The following TMCO6 variants were observed in gnomAD, a reference collection of about 807,000 sequenced individuals.
TMCO6 encodes transmembrane and coiled-coil domains 6.
A neutral mutation model predicts 61.8 loss-of-function variants in TMCO6; 47 were observed. That is an observed-to-expected ratio of 0.76 (90% CI 0.60 to 0.97). TMCO6 has a LOEUF of 0.97. Among genes scored for constraint, TMCO6 ranks in the 50% least tolerant of loss-of-function variants. The pLI, the probability that TMCO6 is intolerant of heterozygous loss-of-function variation, is 0.00. For synonymous variants in TMCO6, 261 were observed against 254.2 expected, an observed-to-expected ratio of 1.03 and a Z score of -0.25; for missense variants, 557 against 601.6, an observed-to-expected ratio of 0.93 and a Z score of 0.78.
the TMCO6 span, among the ~76,000 whole-genome samples, chr5:140,622,717 T>G: frequency 1.5e-5 from 2 of 133,204 alleles, no homozygotes; most frequent in Non-Finnish European, 3.1e-5. Flanking sequence ...TGCCAGGGCT[T>G]TAGCTACAAA....
At chr5:140,604,702 G>A in the TMCO6 span, among the ~76,000 whole-genome samples, 2 of 150,006 alleles carry the variant, frequency 1.3e-5, no homozygotes, top group African/African-American at 4.9e-5. Flanking sequence ...CATAGCTTTA[G>A]TTCTGTTATT....
At chr5:140,644,425 T>C in intron 10 of TMCO6, 148 bp from the exon 11 acceptor site, 2 of 1,000,940 alleles carry the variant, frequency 2.0e-6, no homozygotes, top group Non-Finnish European at 3.0e-6. Context: ...TAATCTTGCA[T>C]CATAGGGTAG....
At chr5:140,598,158 A>T in the TMCO6 span, among the ~76,000 whole-genome samples, 1 of 151,704 alleles carries the variant, frequency 6.6e-6, no homozygotes, top group African/African-American at 2.4e-5. Flanking sequence ...TCATAACTTT[A>T]TCCCCTCCCC....
At chr5:140,632,339 A>G in the TMCO6 span, 1 of 1,614,032 alleles carries the variant, frequency 6.2e-7, no homozygotes, top group Non-Finnish European at 8.5e-7. The surrounding 1 kb of genome is among the most constrained non-coding windows in gnomAD (Gnocchi z 6.2). Flanking sequence ...GGGGACAGAG[A>G]GCCGCCATCA....
At chr5:140,647,534 C>T (rs1482102411), downstream of TMCO6, 2 of 1,612,376 alleles carry the variant, frequency 1.2e-6, no homozygotes, top group Non-Finnish European at 1.7e-6. Context: ...GCGAATCTCA[C>T]GCAGGCCCAG....
upstream of TMCO6, among the ~76,000 whole-genome samples, chr5:140,634,877 G>A (rs1421144476): frequency 1.3e-5 from 2 of 152,094 alleles, no homozygotes; most frequent in African/African-American, 4.8e-5. Context: ...CCGCCTCCCA[G>A]GTTCCAGCAA....
At chr5:140,598,298 C>T in the TMCO6 span, among the ~76,000 whole-genome samples, 102 of 151,628 alleles carry the variant, frequency 6.7e-4, no homozygotes, top group African/African-American at 2.2e-3. Context: ...TGAACTCTTG[C>T]GCTAAAGTGA....
the TMCO6 span, among the ~76,000 whole-genome samples, chr5:140,617,779 A>G: frequency 6.6e-6 from 1 of 152,142 alleles, no homozygotes; most frequent in East Asian, 1.9e-4. Context: ...AGGAAATGCA[A>G]ATGGAAACCA....
upstream of TMCO6, chr5:140,639,450 C>T: frequency 1.4e-6 from 2 of 1,414,900 alleles, no homozygotes; most frequent in South Asian, 1.2e-5. Flanking sequence ...GCTGAGGCTG[C>T]GCAGTCGGTG....
chr5:140,638,075 T>C (rs1422053539), upstream of TMCO6, among the ~76,000 whole-genome samples: 8 of 152,176 alleles, frequency 5.3e-5, no homozygotes, highest in Admixed American at 2.0e-4. Context: ...AACAAAGGAT[T>C]ATTAGCAAAG....
chr5:140,617,005 T>C, the TMCO6 span, among the ~76,000 whole-genome samples: 1 of 151,418 alleles, frequency 6.6e-6, no homozygotes, highest in African/African-American at 2.4e-5. Flanking sequence ...ATCATGCCAC[T>C]GCACTCCAGT....
chr5:140,610,608 T>C, the TMCO6 span, among the ~76,000 whole-genome samples: 5 of 152,216 alleles, frequency 3.3e-5, no homozygotes, highest in African/African-American at 1.2e-4. Context: ...AACTTGCTGA[T>C]TAGTTTTCAT....
chr5:140,631,910 C>G, the TMCO6 span: 2 of 1,598,224 alleles, frequency 1.3e-6, no homozygotes, highest in South Asian at 2.2e-5. Context: ...ACACCCCCAC[C>G]GACAGGGTCG....
At chr5:140,630,230 G>T in the TMCO6 span, among the ~76,000 whole-genome samples, 1 of 151,798 alleles carries the variant, frequency 6.6e-6, no homozygotes, top group Non-Finnish European at 1.5e-5. Context: ...TTGACCTCGT[G>T]ATCCGCCCAC....
chr5:140,633,144 G>A, the TMCO6 span: 55 of 1,586,338 alleles, frequency 3.5e-5, no homozygotes, highest in Non-Finnish European at 4.5e-5. Flanking sequence ...CCTACACAGC[G>A]GCACCCGCCG....
chr5:140,613,148 T>A, the TMCO6 span, among the ~76,000 whole-genome samples: 1 of 152,034 alleles, frequency 6.6e-6, no homozygotes, highest in Non-Finnish European at 1.5e-5. Flanking sequence ...CCCAGCACTT[T>A]GGGAGGCTGA....
the TMCO6 span, among the ~76,000 whole-genome samples, chr5:140,623,022 T>G: frequency 3.3e-5 from 5 of 152,314 alleles, no homozygotes; most frequent in Non-Finnish European, 5.9e-5. Context: ...CTGGCTTTGA[T>G]TTTGCTTTCT....
At chr5:140,638,469 TG>T (rs1487622706), upstream of TMCO6, among the ~76,000 whole-genome samples, 1 of 151,884 alleles carries the variant, frequency 6.6e-6, no homozygotes, top group African/African-American at 2.4e-5. Context: ...CAAAAGTGTG[TG>T]TGGGGGGGAG....
At chr5:140,614,181 G>A in the TMCO6 span, among the ~76,000 whole-genome samples, 1 of 152,034 alleles carries the variant, frequency 6.6e-6, no homozygotes, top group Non-Finnish European at 1.5e-5. Flanking sequence ...TTACAGGCGT[G>A]AGCCACTGAG....
Sources: allele counts gnomAD v4.1 joint callset (sites outside exome capture counted in the v4.1 genomes callset), GRCh38; gene constraint gnomAD v4.1.1; non-coding constraint Gnocchi (gnomAD v3.1); transcripts MANE v1.5; gene names NCBI Gene and HGNC (gene_info 2026-07-23, HGNC 2026-07-21).